MTA3: variants seen among roughly 807,000 people sequenced by gnomAD.
The protein encoded by MTA3 is metastasis-associated protein MTA3.
MTA3 carries 34 observed loss-of-function variants against 83.5 expected under a neutral mutation model. The ratio of observed to expected loss-of-function variants is 0.41; its 90% confidence interval spans 0.31 to 0.54. The LOEUF (loss-of-function observed/expected upper bound fraction) is 0.54. Ranked by LOEUF, MTA3 falls within the 20% of genes least tolerant of loss-of-function variation. The probability of loss-of-function intolerance (pLI) is 0.33; values close to 1 mark genes in which losing one functional copy is unlikely to be tolerated. For missense variants in MTA3, 761 were observed against 726.4 expected (o/e 1.05, Z -0.55); for synonymous variants, 303 against 252.7 (o/e 1.20, Z -1.89).
At chr2:42,623,080 G>A (rs1573347744) in intron 4 of MTA3, among the ~76,000 whole-genome samples, 1 of 152,200 alleles carries the variant, frequency 6.6e-6, no homozygotes, top group African/African-American at 2.4e-5. Flanking sequence ...ATGGTACCAA[G>A]TCAGTTGGGT....
intron 2 of MTA3, among the ~76,000 whole-genome samples, chr2:42,496,608 GAAAAAAAAAA>G (rs35316146): frequency 8.2e-6 from 1 of 122,048 alleles, no homozygotes; most frequent in Non-Finnish European, 1.7e-5. Context: ...CAGAACCTAG[GAAAAAAAAAA>G]AAAAAAAAAA....
chr2:42,543,850 A>T (rs1010050674), intron 2 of MTA3, among the ~76,000 whole-genome samples: 3 of 151,566 alleles, frequency 2.0e-5, no homozygotes, highest in Non-Finnish European at 2.9e-5. Flanking sequence ...ATATATATAT[A>T]TTTTGTTCAT....
chr2:42,599,899 A>T (rs1026995537), intron 3 of MTA3, among the ~76,000 whole-genome samples: 6 of 152,146 alleles, frequency 3.9e-5, no homozygotes, highest in African/African-American at 9.6e-5. Context: ...AAGACTTTTT[A>T]AAAAACTTGC....
intron 9 of MTA3, among the ~76,000 whole-genome samples, chr2:42,683,408 C>T (rs1189408997): frequency 6.6e-6 from 1 of 152,040 alleles, no homozygotes; most frequent in Non-Finnish European, 1.5e-5. Flanking sequence ...AGGAGTGGTC[C>T]CCAACCTTTT....
At chr2:42,502,361 C>T (rs570248320) in intron 2 of MTA3, among the ~76,000 whole-genome samples, 4 of 152,138 alleles carry the variant, frequency 2.6e-5, no homozygotes, top group Non-Finnish European at 4.4e-5. Context: ...CATCTGAGGT[C>T]TGTGTGCCAG....
chr2:42,570,439 T>C lies in MTA3; in HGVS notation c.31T>C (p.Tyr11His). The C allele has an allele frequency of 6.5e-7, 1 of 1,528,820 alleles. No homozygotes were observed. The highest frequency in any genetic ancestry group is 8.9e-7 in the Non-Finnish European group (1 of 1,125,794). The allele number at this position is 1,528,820 out of a possible 1,614,324, so 94.7% of individuals were successfully genotyped here. The change falls in exon 2 of 17, where the codon TAT (tyrosine) becomes CAT (histidine). Residue 11 changes from tyrosine to histidine, a missense_variant and splice_region_variant. By Grantham distance (83) the Tyr-to-His change is moderately conservative. Coordinates refer to ENST00000405094, the MANE Select transcript of MTA3 (RefSeq NM_001330442.2). MAANMYRVGDYVYFENSSSNP... is the reference protein window; with the variant it reads MAANMYRVGDHVYFENSSSNP... ...TTCTGTACTTCCTTTAATTACAGATTATGTCTACTTTGAGAATTCCTCCAG... is the reference window on the plus strand; with the variant it reads ...TTCTGTACTTCCTTTAATTACAGATCATGTCTACTTTGAGAATTCCTCCAG...
Position 42,755,832 on chromosome 2 carries a change from G to A in MTA3, c.*2433G>A. The stretch of plus-strand genomic sequence containing the variant: ...TGTCTGCGCAGCCCCCAGCAGACAT[G>A]CCCCTGGGGTGAGGACACAGGCTCT... On this transcript the variant is annotated 3_prime_UTR_variant, in exon 17 of 17. Coordinates refer to ENST00000405094, the MANE Select transcript of MTA3 (RefSeq NM_001330442.2). 3 of 985,520 alleles carry A rather than the reference G, an allele frequency of 3.0e-6. No individual in the cohort carries two copies. The highest frequency in any genetic ancestry group is 9.4e-5 in the South Asian group (2 of 21,288). 61.0% of individuals were successfully genotyped at this position (985,520 alleles called of 1,614,324 possible). A position where few individuals can be genotyped will look rare whatever the true frequency, so the allele number is the denominator to read the frequency against.
intron 16 of MTA3, among the ~76,000 whole-genome samples, chr2:42,749,859 GCTC>G (rs1669737099): frequency 6.6e-6 from 1 of 152,144 alleles, no homozygotes; most frequent in African/African-American, 2.4e-5. Context: ...AGGAAGCAGA[GCTC>G]CTCAGTCCTT....
chr2:42,549,600 ACATATAT>A (rs1284149470), intron 2 of MTA3, among the ~76,000 whole-genome samples: 2 of 120,226 alleles, frequency 1.7e-5, no homozygotes, highest in African/African-American at 6.9e-5. Flanking sequence ...ATATACATAT[ACATATAT>A]AATATATAAT....
chr2:42,721,773 C>T (rs1463859984), intron 15 of MTA3, among the ~76,000 whole-genome samples: 1 of 152,090 alleles, frequency 6.6e-6, no homozygotes, highest in Non-Finnish European at 1.5e-5. Flanking sequence ...CCAAGACAAC[C>T]AGATGAACAA....
chr2:42,705,473 G>A (rs111942652), intron 12 of MTA3, among the ~76,000 whole-genome samples: 6 of 152,350 alleles, frequency 3.9e-5, no homozygotes, highest in East Asian at 1.9e-4. Flanking sequence ...GGGAGGCTGA[G>A]GCGGGTGAAT....
intron 3 of MTA3, among the ~76,000 whole-genome samples, chr2:42,589,430 C>T (rs1680708156): frequency 6.6e-6 from 1 of 152,166 alleles, no homozygotes; most frequent in Non-Finnish European, 1.5e-5. Context: ...AATGGCAAAG[C>T]CAGTCTTCCC....
intron 2 of MTA3, among the ~76,000 whole-genome samples, chr2:42,536,886 A>G (rs867915308): frequency 1.3e-5 from 2 of 148,150 alleles, no homozygotes; most frequent in Non-Finnish European, 3.0e-5. Flanking sequence ...AAGGGAGTAT[A>G]TAGTGGTCCC....
chr2:42,721,435 C>T (rs1667401934), intron 15 of MTA3, among the ~76,000 whole-genome samples: 1 of 151,706 alleles, frequency 6.6e-6, no homozygotes, highest in African/African-American at 2.4e-5. Context: ...TCAGGTGATC[C>T]TCCCACTTAA....
chr2:42,502,487 A>G (rs561474769), intron 2 of MTA3, among the ~76,000 whole-genome samples: 28 of 152,178 alleles, frequency 1.8e-4, no homozygotes, highest in Middle Eastern at 3.4e-3. Context: ...TTCCTTAGCT[A>G]TTATTGTTAT....
chr2:42,730,928 A>G (rs537617115), intron 16 of MTA3, among the ~76,000 whole-genome samples: 46 of 152,076 alleles, frequency 3.0e-4, no homozygotes, highest in Non-Finnish European at 4.7e-4. Context: ...TGATGATTCA[A>G]TCTTGGTAGG....
At chr2:42,609,034 T>TA in intron 3 of MTA3, among the ~76,000 whole-genome samples, 1 of 148,642 alleles carries the variant, frequency 6.7e-6, no homozygotes, top group East Asian at 2.0e-4. Context: ...AATGTTTAAT[T>TA]TTTTTTTTTT....
At chr2:42,655,097 C>G (rs1689052639) in intron 6 of MTA3, among the ~76,000 whole-genome samples, 1 of 152,140 alleles carries the variant, frequency 6.6e-6, no homozygotes, top group Non-Finnish European at 1.5e-5. Context: ...GCTGCTATGT[C>G]TCTCTCTCTC....
chr2:42,654,214 C>T (rs1256708945), intron 6 of MTA3, among the ~76,000 whole-genome samples: 1 of 152,190 alleles, frequency 6.6e-6, no homozygotes, highest in Non-Finnish European at 1.5e-5. Flanking sequence ...ATGGGCAGGT[C>T]TTTAACCTAA....
Sources: gnomAD v4.1 joint callset for allele counts (sites outside exome capture counted in the v4.1 genomes callset) on GRCh38, gnomAD v4.1.1 for gene constraint, MANE v1.5 for transcripts, NCBI Gene and HGNC (gene_info 2026-07-23, HGNC 2026-07-21) for gene names.